The following CDH13 variants were observed in gnomAD, a reference collection of about 807,000 sequenced individuals.
CDH13 encodes the protein cadherin 13.
CDH13 carries 24 observed loss-of-function variants against 63.8 expected under a neutral mutation model. The ratio of observed to expected loss-of-function variants is 0.38; its 90% CI spans 0.27 to 0.53. The LOEUF (loss-of-function observed/expected upper bound fraction) is 0.53. Ranked by LOEUF, CDH13 falls within the 20% of genes least tolerant of loss-of-function variation. The probability of loss-of-function intolerance (pLI) is 0.85; values close to 1 mark genes in which losing one functional copy is unlikely to be tolerated. For missense variants in CDH13, 1,049 were observed against 903.1 expected, an observed-to-expected ratio of 1.16 and a Z score of -2.07; for synonymous variants, 503 against 355.3, an observed-to-expected ratio of 1.42 and a Z score of -4.67.
intron 7 of CDH13, among the ~76,000 whole-genome samples, chr16:83,542,616 G>A (rs570797079): frequency 1.3e-5 from 2 of 152,222 alleles, no homozygotes; most frequent in African/African-American, 4.8e-5. Context: ...GCAAAGCCAT[G>A]CTCTGGCAGC....
At chr16:83,332,162 A>AT (rs560325923) in intron 5 of CDH13, among the ~76,000 whole-genome samples, 2 of 152,064 alleles carry the variant, frequency 1.3e-5, no homozygotes, top group East Asian at 1.9e-4. Flanking sequence ...TGTGATGCAA[A>AT]TTTTTTTACA....
intron 10 of CDH13, among the ~76,000 whole-genome samples, chr16:83,743,739 T>C (rs1045453454): frequency 1.1e-5 from 1 of 94,508 alleles, no homozygotes; most frequent in Non-Finnish European, 2.0e-5. Context: ...GTTGCCTTTT[T>C]TCTTTTTTCT....
chr16:83,317,451 G>C (rs118140395), intron 5 of CDH13, among the ~76,000 whole-genome samples: 1 of 152,160 alleles, frequency 6.6e-6, no homozygotes, highest in East Asian at 1.9e-4. Flanking sequence ...CACATCTAAA[G>C]TCTTTCTGGT....
intron 3 of CDH13, among the ~76,000 whole-genome samples, chr16:83,040,128 G>T (rs1367300306): frequency 6.6e-6 from 1 of 151,838 alleles, no homozygotes; most frequent in Non-Finnish European, 1.5e-5. Context: ...ACCTTGGCAT[G>T]AATCCCAGTG....
intron 1 of CDH13, among the ~76,000 whole-genome samples, chr16:82,727,245 G>C (rs2033148921): frequency 6.6e-6 from 1 of 152,018 alleles, no homozygotes; most frequent in Non-Finnish European, 1.5e-5. Context: ...TTGCACTGGG[G>C]GCATCCCTGT....
intron 6 of CDH13, among the ~76,000 whole-genome samples, chr16:83,391,109 C>A (rs751480638): frequency 3.9e-5 from 6 of 152,216 alleles, no homozygotes; most frequent in Admixed American, 1.3e-4. Flanking sequence ...ACCTCCTTCA[C>A]CATCTGCTGC....
chr16:82,986,420 T>C (rs914558051), intron 2 of CDH13, among the ~76,000 whole-genome samples: 3 of 152,224 alleles, frequency 2.0e-5, no homozygotes, highest in African/African-American at 7.2e-5. Flanking sequence ...AAAGCCCTTT[T>C]TCAGAATCTC....
rs1312314842 is a variant in CDH13, at chr16:82,794,286, AC to A, written c.46-64072del. Among the ~76,000 whole-genome samples, 5 of 149,624 alleles carry A rather than the reference AC, an allele frequency of 3.3e-5. No homozygotes were observed. In the South Asian group the frequency reaches 1.1e-3, roughly 33 times the overall value. ...GCCCAGGGAAGCCAAAAATTTGAAA[AC>A]CCCTGGTTTAAATCCTCTCTACAAA... On this transcript the variant is annotated intron_variant, in intron 1 of 13. Transcript: ENST00000567109.
chr16:83,041,990 T>C (rs1917369704), intron 3 of CDH13, among the ~76,000 whole-genome samples: 1 of 152,226 alleles, frequency 6.6e-6, no homozygotes, highest in African/African-American at 2.4e-5. Flanking sequence ...TCTCACACGT[T>C]CTAGACAAAA....
chr16:83,697,960 A>C (rs1357789108), intron 10 of CDH13, among the ~76,000 whole-genome samples: 2 of 152,290 alleles, frequency 1.3e-5, no homozygotes, highest in East Asian at 3.9e-4. Flanking sequence ...CAGTAGTTTT[A>C]TAGGACATAG....
intron 2 of CDH13, among the ~76,000 whole-genome samples, chr16:82,987,292 T>A (rs1483298466): frequency 6.6e-6 from 1 of 152,212 alleles, no homozygotes; most frequent in Non-Finnish European, 1.5e-5. Context: ...TGTCTTTCTA[T>A]CTACTGGGCA....
chr16:83,558,326 G>A (rs921337390), intron 7 of CDH13, among the ~76,000 whole-genome samples: 2 of 152,144 alleles, frequency 1.3e-5, no homozygotes, highest in African/African-American at 4.8e-5. Context: ...TCTTCCAGCA[G>A]CCACAAACAT....
intron 2 of CDH13, among the ~76,000 whole-genome samples, chr16:83,010,196 A>G (rs112527711): frequency 2.7e-5 from 4 of 150,788 alleles, no homozygotes; most frequent in African/African-American, 9.7e-5. Context: ...AAAAATCTGC[A>G]TTTCTAACAA....
intron 7 of CDH13, among the ~76,000 whole-genome samples, chr16:83,595,908 G>A (rs1229378216): frequency 6.6e-6 from 1 of 152,212 alleles, no homozygotes; most frequent in African/African-American, 2.4e-5. Context: ...AGTATACAGT[G>A]GAATGAGTTA....
intron 13 of CDH13, among the ~76,000 whole-genome samples, chr16:83,788,083 TTGTG>T (rs1481991914): frequency 6.6e-6 from 1 of 152,224 alleles, no homozygotes; most frequent in African/African-American, 2.4e-5. Flanking sequence ...ACATGTATGT[TTGTG>T]TGCACGCACG....
intron 6 of CDH13, among the ~76,000 whole-genome samples, chr16:83,428,486 G>T (rs1403609702): frequency 6.6e-6 from 1 of 151,794 alleles, no homozygotes; most frequent in African/African-American, 2.4e-5. Context: ...TTCTGCTTTT[G>T]AAAAAAGTGC....
At chr16:82,684,123 C>A (rs1914828088) in intron 1 of CDH13, among the ~76,000 whole-genome samples, 2 of 152,168 alleles carry the variant, frequency 1.3e-5, no homozygotes, top group South Asian at 4.1e-4. Flanking sequence ...GTTAGAGGTT[C>A]AATCGTATTT....
At chr16:83,363,652 G>T (rs1473350844) in intron 6 of CDH13, among the ~76,000 whole-genome samples, 3 of 152,160 alleles carry the variant, frequency 2.0e-5, no homozygotes, top group Non-Finnish European at 4.4e-5. Context: ...ATGTGAATAG[G>T]CATGTCAGTT....
chr16:82,673,063 A>G (rs748696358), intron 1 of CDH13, among the ~76,000 whole-genome samples: 56 of 124,592 alleles, frequency 4.5e-4, no homozygotes, highest in Non-Finnish European at 6.3e-4. Context: ...GCTGGTCTCG[A>G]ACTCCTGGGC....
Sources: allele counts gnomAD v4.1 joint callset (sites outside exome capture counted in the v4.1 genomes callset), GRCh38; gene constraint gnomAD v4.1.1; transcripts MANE v1.5; gene names NCBI Gene and HGNC (gene_info 2026-07-23, HGNC 2026-07-21).